RANBP17: variants seen among roughly 807,000 people sequenced by gnomAD.
RANBP17 encodes the protein ran-binding protein 17.
Under a neutral mutation model 141.2 loss-of-function variants are expected in RANBP17, and 158 were observed. That is an observed-to-expected ratio of 1.12 (90% confidence interval 0.98 to 1.28). The LOEUF (loss-of-function observed/expected upper bound fraction) is 1.28. Among genes scored for constraint, RANBP17 ranks in the 50% most tolerant of loss-of-function variants. The pLI is 0.00. For missense variants in RANBP17, 1,438 were observed against 1,290.7 expected (o/e 1.11, Z -1.75); for synonymous variants, 430 against 450.0 (o/e 0.96, Z 0.56).
intron 14 of RANBP17, among the ~76,000 whole-genome samples, chr5:171,082,919 C>G (rs1319339369): frequency 5.3e-5 from 8 of 150,224 alleles, no homozygotes; most frequent in South Asian, 2.1e-4. Flanking sequence ...AATTTATTTA[C>G]TTCTTGTTTC....
intron 14 of RANBP17, among the ~76,000 whole-genome samples, chr5:171,022,199 C>T (rs938987521): frequency 3.9e-5 from 6 of 152,116 alleles, no homozygotes; most frequent in South Asian, 2.1e-4. Context: ...CTTTGAGGGG[C>T]GCCAACCTGA....
chr5:170,910,100 G>GA (rs908270797), intron 6 of RANBP17: 25 of 162,566 alleles, frequency 1.5e-4, no homozygotes, highest in Admixed American at 1.4e-3. Flanking sequence ...GGATGCAGAT[G>GA]AAAAATGAAA....
chr5:170,924,459 T>A lies in RANBP17; in HGVS notation c.1377T>A (p.Leu459=). The A allele has an allele frequency of 6.2e-7, 1 of 1,613,554 alleles. No homozygotes were observed. Among genetic ancestry groups the A allele is most frequent in the Non-Finnish European group, 8.5e-7 (1 of 1,179,608 alleles). ...SRCEYEKTCA[L]LVQLFDQNAQ... is the part of the protein sequence containing the mutation. ...GTGAATATGAAAAGACATGTGCTCT[T>A]CTTGTGCAGTTATTCGACCAAAATG... Residue 459 remains leucine, a synonymous_variant, in exon 12 of 28, where the codon CTT becomes CTA. Coordinates refer to ENST00000523189, the MANE Select transcript of RANBP17 (RefSeq NM_022897.5).
At chr5:171,187,524 CAATA>C (rs1443294030) in intron 18 of RANBP17, among the ~76,000 whole-genome samples, 7 of 151,132 alleles carry the variant, frequency 4.6e-5, no homozygotes, top group Admixed American at 1.3e-4. Flanking sequence ...ATGTTGTATA[CAATA>C]AATAACATAA....
chr5:171,229,697 G>A (rs1764090816), intron 22 of RANBP17, among the ~76,000 whole-genome samples: 1 of 148,636 alleles, frequency 6.7e-6, no homozygotes, highest in South Asian at 2.2e-4. Flanking sequence ...GCCTGGCTGA[G>A]CATTTGCTGT....
chr5:170,944,350 T>C (rs1774581620), intron 12 of RANBP17, among the ~76,000 whole-genome samples: 1 of 152,228 alleles, frequency 6.6e-6, no homozygotes, highest in South Asian at 2.1e-4. Flanking sequence ...CACTGCAACC[T>C]TTGCCTCCCA....
At chr5:171,016,211 T>C (rs184097426) in intron 14 of RANBP17, among the ~76,000 whole-genome samples, 2 of 151,732 alleles carry the variant, frequency 1.3e-5, no homozygotes, top group East Asian at 3.9e-4. Flanking sequence ...TCCAATGTCT[T>C]GAAGGTTGTT....
chr5:171,217,089 A>G (rs1297682194), intron 21 of RANBP17, among the ~76,000 whole-genome samples: 1 of 152,206 alleles, frequency 6.6e-6, no homozygotes, highest in African/African-American at 2.4e-5. Context: ...TGTTCCGTCA[A>G]TACCTAGTTT....
intron 14 of RANBP17, among the ~76,000 whole-genome samples, chr5:171,123,685 C>T (rs960587078): frequency 7.2e-4 from 110 of 152,346 alleles, no homozygotes; most frequent in African/African-American, 2.5e-3. Flanking sequence ...ACCAACCCAC[C>T]TGGTGTCCCC....
At chr5:171,003,315 G>A (rs1487053914) in intron 14 of RANBP17, among the ~76,000 whole-genome samples, 2 of 152,144 alleles carry the variant, frequency 1.3e-5, no homozygotes, top group Non-Finnish European at 2.9e-5. Flanking sequence ...AGTGGGGAAA[G>A]GATTTAGGAT....
intron 25 of RANBP17, among the ~76,000 whole-genome samples, chr5:171,287,233 G>A (rs1039116651): frequency 1.3e-5 from 2 of 152,328 alleles, no homozygotes; most frequent in East Asian, 3.9e-4. Context: ...GCTCACGCCT[G>A]TAATCCCAGC....
chr5:171,177,371 C>T (rs1760554508), intron 16 of RANBP17, among the ~76,000 whole-genome samples: 1 of 152,106 alleles, frequency 6.6e-6, no homozygotes, highest in African/African-American at 2.4e-5. Flanking sequence ...CAAAAGCCCA[C>T]AATCTCTTCC....
intron 16 of RANBP17, among the ~76,000 whole-genome samples, chr5:171,179,249 T>A (rs1248952667): frequency 6.6e-6 from 1 of 152,186 alleles, no homozygotes; most frequent in Non-Finnish European, 1.5e-5. Flanking sequence ...TGAGGATAAC[T>A]AATTAGTATA....
At chr5:171,054,113 C>A (rs1030456048) in intron 14 of RANBP17, among the ~76,000 whole-genome samples, 1 of 151,666 alleles carries the variant, frequency 6.6e-6, no homozygotes, top group African/African-American at 2.4e-5. Flanking sequence ...TTTATCCTTT[C>A]ACTTTCAATT....
intron 14 of RANBP17, among the ~76,000 whole-genome samples, chr5:170,985,050 GACACAC>G (rs10540039): frequency 1.5e-4 from 22 of 146,104 alleles, no homozygotes; most frequent in Non-Finnish European, 2.5e-4. Context: ...GGCACACACA[GACACAC>G]ACAGACACAT....
chr5:170,918,247 T>G (rs1471019647), intron 9 of RANBP17: 2 of 152,250 alleles, frequency 1.3e-5, no homozygotes, highest in Non-Finnish European at 2.9e-5. Flanking sequence ...ACAGTGCCTG[T>G]AGATACTCAA....
intron 2 of RANBP17, among the ~76,000 whole-genome samples, chr5:170,880,125 C>G (rs530961985): frequency 4.6e-5 from 7 of 152,280 alleles, no homozygotes; most frequent in Non-Finnish European, 8.8e-5. Flanking sequence ...TTAATGTGTC[C>G]TCAACTTCTT....
intron 14 of RANBP17, among the ~76,000 whole-genome samples, chr5:171,155,777 A>AT (rs1758855180): frequency 6.6e-6 from 1 of 152,212 alleles, no homozygotes; most frequent in Non-Finnish European, 1.5e-5. Flanking sequence ...ACATTGAAGC[A>AT]TTGTTCATCA....
At chr5:171,195,240 CAT>C (rs1347315841) in intron 18 of RANBP17, among the ~76,000 whole-genome samples, 1 of 152,080 alleles carries the variant, frequency 6.6e-6, no homozygotes, top group Non-Finnish European at 1.5e-5. Flanking sequence ...ATAAAATAAT[CAT>C]ATATACATTT....
Sources: gnomAD v4.1 joint callset for allele counts (sites outside exome capture counted in the v4.1 genomes callset) on GRCh38, gnomAD v4.1.1 for gene constraint, MANE v1.5 for transcripts, NCBI Gene and HGNC (gene_info 2026-07-23, HGNC 2026-07-21) for gene names.